Variants in GABRG3 observed in about 807,000 individuals in gnomAD.
GABRG3 encodes the protein gamma-aminobutyric acid receptor subunit gamma-3.
GABRG3 carries 25 observed loss-of-function variants against 48.8 expected under a neutral mutation model. The observed-to-expected ratio is 0.51, with a 90% CI of 0.37 to 0.72. The LOEUF (loss-of-function observed/expected upper bound fraction) is 0.72. Among genes scored for constraint, GABRG3 ranks in the 30% least tolerant of loss-of-function variants. GABRG3 has a pLI of 0.00. For synonymous variants in GABRG3, 227 were observed against 217.6 expected, an observed-to-expected ratio of 1.04 and a Z score of -0.38; for missense variants, 394 against 577.9, an observed-to-expected ratio of 0.68 and a Z score of 3.26.
At chr15:27,337,961 A>C (rs1416101894) in intron 5 of GABRG3, among the ~76,000 whole-genome samples, 1 of 152,204 alleles carries the variant, frequency 6.6e-6, no homozygotes, top group Non-Finnish European at 1.5e-5. Flanking sequence ...AGATACCTTC[A>C]AGTGCAACGC....
At chr15:27,426,250 A>T (rs1468244328) in intron 5 of GABRG3, among the ~76,000 whole-genome samples, 1 of 152,030 alleles carries the variant, frequency 6.6e-6, no homozygotes, top group Non-Finnish European at 1.5e-5. Context: ...ATCTCCTTTG[A>T]CTCTGCCCAC....
At chr15:27,349,426 G>A (rs1012449893) in intron 5 of GABRG3, among the ~76,000 whole-genome samples, 4 of 152,034 alleles carry the variant, frequency 2.6e-5, no homozygotes, top group Non-Finnish European at 5.9e-5. Flanking sequence ...CTCTGGGTTG[G>A]GATTATGCCA....
At chr15:27,279,941 C>G (rs1595633926) in intron 3 of GABRG3, among the ~76,000 whole-genome samples, 1 of 152,114 alleles carries the variant, frequency 6.6e-6, no homozygotes, top group East Asian at 1.9e-4. Flanking sequence ...TTTTTACTTT[C>G]AGCATATAGA....
At chr15:27,205,652 T>A (rs1888828508) in intron 3 of GABRG3, among the ~76,000 whole-genome samples, 1 of 152,082 alleles carries the variant, frequency 6.6e-6, no homozygotes, top group Non-Finnish European at 1.5e-5. Context: ...AACTATTCTT[T>A]ACATACCTGG....
At chr15:27,012,824 T>C (rs947883315) in intron 2 of GABRG3, among the ~76,000 whole-genome samples, 1 of 152,212 alleles carries the variant, frequency 6.6e-6, no homozygotes, top group Non-Finnish European at 1.5e-5. Context: ...GATTATGCTC[T>C]GTCCTCAGAC....
rs764037083 is a variant in GABRG3, at chr15:27,057,831, C to T, written c.270+31010C>T. Among the ~76,000 whole-genome samples, 3 of 152,170 alleles carry T rather than the reference C, an allele frequency of 2.0e-5. 1 individual carries two copies. Among genetic ancestry groups the T allele is most frequent in the South Asian group, 4.1e-4 (2 of 4,820 alleles). ...ATGTTTACTTGCCTCAAAGAAGTCC[C>T]ACTGATGAAGAAATAAAGGAAGTTT... On this transcript the variant is annotated intron_variant, in intron 3 of 9. Coordinates refer to ENST00000615808, the MANE Select transcript of GABRG3 (RefSeq NM_033223.5).
chr15:27,267,169 T>C (rs28835658), intron 3 of GABRG3, among the ~76,000 whole-genome samples: 85,601 of 143,766 alleles, frequency 0.6, 26,076 homozygotes, highest in Non-Finnish European at 0.65. Context: ...TGCAATGGCG[T>C]GATCTTGGCC....
intron 3 of GABRG3, among the ~76,000 whole-genome samples, chr15:27,274,775 C>T (rs982564618): frequency 2.6e-5 from 4 of 152,168 alleles, no homozygotes; most frequent in African/African-American, 9.6e-5. Context: ...TAGTGCTTTG[C>T]TTACTTTTAA....
chr15:27,044,609 T>C (rs1469332497), intron 3 of GABRG3, among the ~76,000 whole-genome samples: 1 of 152,216 alleles, frequency 6.6e-6, no homozygotes, highest in African/African-American at 2.4e-5. Context: ...AGAAAACCTT[T>C]AGACAAATTA....
At chr15:27,280,054 T>C (rs1429985841) in intron 3 of GABRG3, among the ~76,000 whole-genome samples, 3 of 152,152 alleles carry the variant, frequency 2.0e-5, no homozygotes, top group Non-Finnish European at 2.9e-5. Flanking sequence ...TGAAATGAAA[T>C]TCCTTTGGTA....
intron 2 of GABRG3, among the ~76,000 whole-genome samples, chr15:26,998,045 TTG>T (rs1185035743): frequency 6.6e-6 from 1 of 152,216 alleles, no homozygotes; most frequent in Admixed American, 6.5e-5. Flanking sequence ...TCAGCCTACC[TTG>T]TGTTTTTCTC....
chr15:27,519,140 A>G (rs1274091196), intron 6 of GABRG3, among the ~76,000 whole-genome samples: 1 of 152,150 alleles, frequency 6.6e-6, no homozygotes, highest in Non-Finnish European at 1.5e-5. Flanking sequence ...GGATGACTGA[A>G]TCCAGCAGGC....
At position 27,527,427 on chromosome 15, in the gene GABRG3, G is replaced by T. The variant is rs780651677; in HGVS notation, c.866-6G>T. 26 of 1,612,402 alleles carry T rather than the reference G, an allele frequency of 1.6e-5. No individual in the cohort carries two copies. The Admixed American group carries it at 4.2e-4, about 26-fold the overall frequency. On this transcript the variant is annotated splice_polypyrimidine_tract_variant and splice_region_variant and intron_variant, in intron 7 of 9. Coordinates refer to ENST00000615808, the MANE Select transcript of GABRG3 (RefSeq NM_033223.5). ...TTTTACAACATGCTACCCGTCCCCT[G>T]TTCAGGCATCACCACGGTGCTGACC...
At chr15:27,156,048 C>T (rs1898415110) in intron 3 of GABRG3, among the ~76,000 whole-genome samples, 2 of 152,084 alleles carry the variant, frequency 1.3e-5, no homozygotes, top group South Asian at 4.2e-4. Flanking sequence ...GCCTGTGATC[C>T]CAGCACTTCG....
intron 5 of GABRG3, chr15:27,363,854 A>G (rs1307775452): frequency 6.6e-6 from 1 of 152,220 alleles, no homozygotes; most frequent in Non-Finnish European, 1.5e-5. Flanking sequence ...AATTTCAGAC[A>G]TGAGCAAATG....
chr15:27,230,239 G>T (rs1405925077), intron 3 of GABRG3, among the ~76,000 whole-genome samples: 1 of 152,032 alleles, frequency 6.6e-6, no homozygotes, highest in East Asian at 1.9e-4. Flanking sequence ...CATATAAATC[G>T]AACCAAACCT....
chr15:27,468,888 G>A (rs962103098), intron 5 of GABRG3, among the ~76,000 whole-genome samples: 4 of 152,154 alleles, frequency 2.6e-5, no homozygotes, highest in Admixed American at 6.5e-5. Flanking sequence ...ATGAAATTGT[G>A]AACAATGAAA....
intron 5 of GABRG3, among the ~76,000 whole-genome samples, chr15:27,464,992 T>G (rs1371343300): frequency 6.6e-6 from 1 of 152,200 alleles, no homozygotes; most frequent in Non-Finnish European, 1.5e-5. Context: ...TTAATAAATA[T>G]GTAAGTCTTT....
intron 3 of GABRG3, among the ~76,000 whole-genome samples, chr15:27,258,467 A>G (rs922257382): frequency 3.3e-5 from 5 of 151,972 alleles, no homozygotes; most frequent in Admixed American, 6.5e-5. Flanking sequence ...CACCCTCTGC[A>G]TAGCTGAGTG....
Sources: allele counts gnomAD v4.1 joint callset (sites outside exome capture counted in the v4.1 genomes callset), GRCh38; gene constraint gnomAD v4.1.1; transcripts MANE v1.5; gene names NCBI Gene and HGNC (gene_info 2026-07-23, HGNC 2026-07-21).